The following CTNNA2 variants were observed in gnomAD, a reference collection of about 807,000 sequenced individuals.
CTNNA2 encodes catenin alpha-2.
Under a neutral mutation model 101.0 loss-of-function variants are expected in CTNNA2, and 42 were observed. The observed-to-expected ratio is 0.42, with a 90% CI of 0.32 to 0.54. The LOEUF (loss-of-function observed/expected upper bound fraction) is 0.54. Among genes scored for constraint, CTNNA2 ranks in the 20% least tolerant of loss-of-function variants. CTNNA2 has a pLI of 0.14. For synonymous variants in CTNNA2, 450 were observed against 456.4 expected (o/e 0.99, Z 0.18); for missense variants, 871 against 1,223.1 (o/e 0.71, Z 4.29).
intron 7 of CTNNA2, chr2:80,162,459 A>G: frequency 6.3e-7 from 1 of 1,596,340 alleles, no homozygotes; most frequent in East Asian, 2.2e-5. Flanking sequence ...TAGTGTCGAG[A>G]TGAGCGCCAT....
chr2:79,941,596 T>C (rs542743708), intron 7 of CTNNA2, among the ~76,000 whole-genome samples: 1 of 152,300 alleles, frequency 6.6e-6, no homozygotes, highest in East Asian at 1.9e-4. Flanking sequence ...AACCACACGA[T>C]TGTAGAACAA....
intron 2 of CTNNA2, among the ~76,000 whole-genome samples, chr2:79,304,769 C>T (rs1377905956): frequency 6.6e-6 from 1 of 152,110 alleles, no homozygotes; most frequent in African/African-American, 2.4e-5. Context: ...CAGAGATAGA[C>T]ATTGTCAGAG....
At chr2:80,455,787 A>G (rs1251715438) in intron 9 of CTNNA2, among the ~76,000 whole-genome samples, 1 of 152,234 alleles carries the variant, frequency 6.6e-6, no homozygotes, top group East Asian at 1.9e-4. Flanking sequence ...AGTCTCTACC[A>G]GCAGAATGTC....
At chr2:80,301,628 C>T (rs72928793) in intron 7 of CTNNA2, among the ~76,000 whole-genome samples, 1,966 of 152,272 alleles carry the variant, frequency 0.013, 35 homozygotes, top group African/African-American at 0.043. Flanking sequence ...GTCCCTGCCC[C>T]AGTAATATAA....
At chr2:79,416,991 G>T (rs1678491049) in intron 4 of CTNNA2, among the ~76,000 whole-genome samples, 1 of 152,018 alleles carries the variant, frequency 6.6e-6, no homozygotes, top group Non-Finnish European at 1.5e-5. Context: ...AGATTTTCAT[G>T]ATGCCACAGG....
chr2:79,537,496 G>A (rs1673144357), intron 1 of CTNNA2, among the ~76,000 whole-genome samples: 1 of 152,064 alleles, frequency 6.6e-6, no homozygotes, highest in African/African-American at 2.4e-5. Context: ...TATGGTGAGA[G>A]GTGTCATGTG....
At chr2:79,662,953 G>C (rs986887395) in intron 2 of CTNNA2, among the ~76,000 whole-genome samples, 1 of 152,088 alleles carries the variant, frequency 6.6e-6, no homozygotes, top group African/African-American at 2.4e-5. Flanking sequence ...AAATGTTCAC[G>C]CTGTTCAGGC....
chr2:80,008,521 AACT>A (rs1693540921), intron 7 of CTNNA2, among the ~76,000 whole-genome samples: 4 of 152,174 alleles, frequency 2.6e-5, no homozygotes, highest in Non-Finnish European at 5.9e-5. Flanking sequence ...TCTTCTTCTT[AACT>A]CTCCGTGAGT....
intron 8 of CTNNA2, among the ~76,000 whole-genome samples, chr2:80,400,247 C>G (rs1678431422): frequency 6.6e-6 from 1 of 152,172 alleles, no homozygotes; most frequent in South Asian, 2.1e-4. Context: ...TCATCTTTCC[C>G]AGGGGAAATT....
intron 8 of CTNNA2, among the ~76,000 whole-genome samples, chr2:80,403,403 A>G (rs2149382721): frequency 2.0e-5 from 3 of 152,132 alleles, no homozygotes; most frequent in Middle Eastern, 6.8e-3. Flanking sequence ...GACACGTTGG[A>G]CTCCAGATTC....
chr2:80,292,008 C>T (rs991373437), intron 7 of CTNNA2, among the ~76,000 whole-genome samples: 3 of 152,168 alleles, frequency 2.0e-5, no homozygotes, highest in Non-Finnish European at 4.4e-5. Context: ...GCCTCCATAT[C>T]CCTCTTTTAG....
intron 4 of CTNNA2, among the ~76,000 whole-genome samples, chr2:79,380,878 G>C (rs1678030609): frequency 6.6e-6 from 1 of 152,202 alleles, no homozygotes; most frequent in African/African-American, 2.4e-5. Flanking sequence ...TGCCTGAACT[G>C]TAAGATAAGA....
At chr2:79,238,536 A>C (rs1674585584) in intron 2 of CTNNA2, among the ~76,000 whole-genome samples, 1 of 152,262 alleles carries the variant, frequency 6.6e-6, no homozygotes, top group Non-Finnish European at 1.5e-5. Flanking sequence ...TGCCATAAGC[A>C]TTCAATTTGT....
chr2:80,614,789 T>C (rs995815864), intron 17 of CTNNA2, among the ~76,000 whole-genome samples: 1 of 151,316 alleles, frequency 6.6e-6, no homozygotes, highest in Non-Finnish European at 1.5e-5. Flanking sequence ...TAAGAGCAAA[T>C]CCAAATACGT....
intron 7 of CTNNA2, among the ~76,000 whole-genome samples, chr2:80,004,295 T>C (rs1225360442): frequency 6.6e-6 from 1 of 152,102 alleles, no homozygotes; most frequent in Non-Finnish European, 1.5e-5. Flanking sequence ...ATTCAATGCT[T>C]AATGTGTGGT....
intron 11 of CTNNA2, among the ~76,000 whole-genome samples, chr2:80,552,568 G>C (rs970718561): frequency 1.6e-4 from 24 of 152,154 alleles, no homozygotes; most frequent in African/African-American, 5.8e-4. Flanking sequence ...TATGTTGCTT[G>C]ACGACAGGCA....
intron 5 of CTNNA2, among the ~76,000 whole-genome samples, chr2:79,873,256 A>G (rs573175552): frequency 2.0e-4 from 30 of 150,284 alleles, no homozygotes; most frequent in African/African-American, 6.0e-4. Context: ...AACTAACTGT[A>G]TGGCCCATGC....
At chr2:79,704,292 C>G (rs1324190295) in intron 2 of CTNNA2, among the ~76,000 whole-genome samples, 2 of 152,110 alleles carry the variant, frequency 1.3e-5, no homozygotes, top group African/African-American at 2.4e-5. Context: ...CATGTGACTT[C>G]TTTTCTTCCT....
chr2:80,396,722 C>A (rs1678047408), intron 8 of CTNNA2, among the ~76,000 whole-genome samples: 1 of 152,062 alleles, frequency 6.6e-6, no homozygotes, highest in Admixed American at 6.6e-5. Flanking sequence ...AAATCAGCAC[C>A]CAAACATTTC....
Sources: allele counts gnomAD v4.1 joint callset (sites outside exome capture counted in the v4.1 genomes callset), GRCh38; gene constraint gnomAD v4.1.1; transcripts MANE v1.5; gene names NCBI Gene and HGNC (gene_info 2026-07-23, HGNC 2026-07-21).